Variants in DNAJC13 observed in about 807,000 individuals in gnomAD.
The protein encoded by DNAJC13 is dnaJ homolog subfamily C member 13.
Under a neutral mutation model 290.5 loss-of-function variants are expected in DNAJC13, and 75 were observed. The observed-to-expected ratio is 0.26, with a 90% CI of 0.21 to 0.31. The LOEUF (loss-of-function observed/expected upper bound fraction) is 0.31. Ranked by LOEUF, DNAJC13 falls within the 10% of genes least tolerant of loss-of-function variation. DNAJC13 has a pLI of 1.00. For missense variants in DNAJC13, 2,260 were observed against 2,674.5 expected (o/e 0.85, Z 3.42); for synonymous variants, 862 against 892.0 (o/e 0.97, Z 0.60).
Position 132,460,350 on chromosome 3 carries a change from C to T in DNAJC13, c.1550C>T (p.Ser517Phe). The T allele has an allele frequency of 1.9e-6, 3 of 1,594,916 alleles. No individual in the cohort carries two copies. The highest frequency in any genetic ancestry group is 2.6e-6 in the Non-Finnish European group (3 of 1,163,802). Reference protein sequence around the residue: ...FLENLLEKFNSHVDHGTGALV... With the variant: ...FLENLLEKFNFHVDHGTGALV... Reference sequence around the variant, plus strand: ...GAAAACTTACTGGAGAAATTTAATTCCCATGTGGTAAGTTATAATTAAATT... The same window carrying T: ...GAAAACTTACTGGAGAAATTTAATTTCCATGTGGTAAGTTATAATTAAATT... The change falls in exon 14 of 56, where the codon TCC becomes TTC. Residue 517 changes from serine (S) to phenylalanine (F), a missense_variant. By Grantham distance (155) the Ser-to-Phe change is radical. This residue lies in a region of DNAJC13 where 762 missense variants were observed against 964.1 expected (regional missense o/e 0.79). Transcript: ENST00000260818.
intron 1 of DNAJC13, among the ~76,000 whole-genome samples, chr3:132,431,330 G>A (rs1939233659): frequency 6.6e-6 from 1 of 152,110 alleles, no homozygotes; most frequent in African/African-American, 2.4e-5. Flanking sequence ...GTGCTATGGG[G>A]GAAAAACAAG....
chr3:132,507,463 T>C, intron 43 of DNAJC13, 110 bp downstream of exon 43: 1 of 712,880 alleles, frequency 1.4e-6, no homozygotes. Context: ...GCACTTTCTT[T>C]ACTGTGCTGC....
At chr3:132,450,235 C>T (rs1208411802) in intron 5 of DNAJC13, among the ~76,000 whole-genome samples, 3 of 151,832 alleles carry the variant, frequency 2.0e-5, no homozygotes, top group Admixed American at 6.6e-5. Flanking sequence ...TTACAACTTC[C>T]CTGAAATGTG....
intron 43 of DNAJC13, among the ~76,000 whole-genome samples, chr3:132,507,825 G>A (rs1052961172): frequency 1.3e-5 from 2 of 152,068 alleles, no homozygotes; most frequent in Non-Finnish European, 1.5e-5. Context: ...ACCCTGCAAC[G>A]GCCTCTAGGT....
chr3:132,470,833 G>C (rs1472026611), intron 20 of DNAJC13, among the ~76,000 whole-genome samples: 1 of 134,288 alleles, frequency 7.4e-6, no homozygotes, highest in Non-Finnish European at 1.6e-5. Flanking sequence ...CGGCTGGCCA[G>C]GCGGGGGGCT....
At chr3:132,475,693 A>T (rs931885101) in intron 22 of DNAJC13, among the ~76,000 whole-genome samples, 18 of 152,176 alleles carry the variant, frequency 1.2e-4, no homozygotes, top group Admixed American at 3.9e-4. Flanking sequence ...GGATATGCTC[A>T]TTCTTTTCTT....
chr3:132,506,522 A>G (rs1935595963), intron 42 of DNAJC13, among the ~76,000 whole-genome samples: 2 of 99,914 alleles, frequency 2.0e-5, no homozygotes, highest in East Asian at 2.7e-4. Context: ...ATTTTTTAGC[A>G]CTTTTGTTCA....
At chr3:132,520,732 T>TTGCTTTCA (rs1936064679) in intron 48 of DNAJC13, among the ~76,000 whole-genome samples, 1 of 152,206 alleles carries the variant, frequency 6.6e-6, no homozygotes, top group Non-Finnish European at 1.5e-5. Flanking sequence ...CAATTAAAGT[T>TTGCTTTCA]TGCTTTCATA....
chr3:132,496,778 A>G (rs1346194210), intron 36 of DNAJC13, 115 bp downstream of exon 36: 3 of 1,004,272 alleles, frequency 3.0e-6, no homozygotes, highest in Non-Finnish European at 4.0e-6. Context: ...ATTATTGTTT[A>G]AAAGATTCTT....
rs573857472 is a variant in DNAJC13 at position 132,506,045 on chromosome 3, C to CTTTTTTTTTTTTTTTT, written c.4998+638_4998+653dup. On this transcript the variant is annotated intron_variant, in intron 42 of 55. Coordinates refer to ENST00000260818, the MANE Select transcript of DNAJC13 (RefSeq NM_015268.4). Reference sequence around the variant, plus strand: ...CGGGTCTTACATGTCTGTACATTATCTTTTTTTTTTTTTTTTTTTTTTTGA... The same window carrying CTTTTTTTTTTTTTTTT: ...CGGGTCTTACATGTCTGTACATTATCTTTTTTTTTTTTTTTTTTTTTTTTTTTTTTTTTTTTTTTGA... Among the ~76,000 whole-genome samples the CTTTTTTTTTTTTTTTT allele has an allele frequency of 6.5e-4, 47 of 72,674 alleles. 4 individuals carry two copies. Among genetic ancestry groups the CTTTTTTTTTTTTTTTT allele is most frequent in the Non-Finnish European group, 8.9e-4 (33 of 36,950 alleles). The allele number at this position is 72,674 out of a possible 152,430, so 47.7% of individuals were successfully genotyped here. A position where few individuals can be genotyped will look rare whatever the true frequency, so the allele number is the denominator to read the frequency against.
At chr3:132,487,559 A>ATTTTTTTATTTTTTTTTTTTTTTTTTTTT (rs1934918935) in intron 29 of DNAJC13, among the ~76,000 whole-genome samples, 1 of 110,502 alleles carries the variant, frequency 9.0e-6, no homozygotes, top group African/African-American at 5.3e-5. Flanking sequence ...CCTGGCTGTA[A>ATTTTTTTATTTTTTTTTTTTTTTTTTTTT]TTTTTTTTTT....
At position 132,417,525 on chromosome 3, in the gene DNAJC13, A is replaced by C. The variant is rs1938821016; in HGVS notation, c.-249A>C. 6.6e-6 allele frequency: 1 copy of C among 151,618 alleles called. No individual in the cohort carries two copies. Among genetic ancestry groups the C allele is most frequent in the Non-Finnish European group, 1.5e-5 (1 of 67,918 alleles). 9.4% of individuals were successfully genotyped at this position (151,618 alleles called of 1,614,324 possible). A position where few individuals can be genotyped will look rare whatever the true frequency, so the allele number is the denominator to read the frequency against. On this transcript the variant is annotated 5_prime_UTR_variant, in exon 1 of 56. Transcript: ENST00000260818. ...TTAGAGCGCGCTCGCTCAAAGCCTGAGCGAAGATGGCGGCCTCCAGAGTGA... is the reference window on the plus strand; with the variant it reads ...TTAGAGCGCGCTCGCTCAAAGCCTGCGCGAAGATGGCGGCCTCCAGAGTGA...
In DNAJC13 at chr3:132,482,253, A is replaced by G. The variant is rs759817095; in HGVS notation, c.2902A>G (p.Met968Val). The G allele has an allele frequency of 1.2e-6, 2 of 1,613,686 alleles. No individual in the cohort carries two copies. Among genetic ancestry groups the G allele is most frequent in the Non-Finnish European group, 1.7e-6 (2 of 1,179,734 alleles). The change falls in exon 27 of 56, where the codon ATG becomes GTG. Residue 968 changes from methionine (M) to valine (V), a missense_variant. Met to Val is a conservative substitution (Grantham distance 21). Around this residue, in one of 3 missense-constraint regions of DNAJC13, gnomAD observed 1,494 missense variants for 1,693.7 expected, o/e 0.88. Coordinates refer to ENST00000260818, the MANE Select transcript of DNAJC13 (RefSeq NM_015268.4). The stretch of plus-strand genomic sequence containing the variant: ...CAATGTAATTGAAGCTGCTCCAGAT[A>G]TGAAAAGAGAGAGTGAAAAGGAATG... ...QSNVIEAAPD[M>V]KRESEKEWYF...
intron 33 of DNAJC13, 89 bp downstream of exon 33, chr3:132,492,704 G>T: frequency 1.8e-6 from 2 of 1,104,820 alleles, no homozygotes; most frequent in Middle Eastern, 3.1e-4. Context: ...CAGTAAGATG[G>T]TTAATAGCTT....
chr3:132,463,590 C>A, intron 16 of DNAJC13, 106 bp from the exon 17 acceptor site: 1 of 1,320,270 alleles, frequency 7.6e-7, no homozygotes, highest in Non-Finnish European at 1.0e-6. Context: ...ACTTCTATTA[C>A]ATACTGAATG....
At chr3:132,507,121 A>T in intron 42 of DNAJC13, 116 bp from the exon 43 acceptor site, 1 of 646,708 alleles carries the variant, frequency 1.5e-6, no homozygotes, top group South Asian at 2.2e-5. Flanking sequence ...CATGTATCAC[A>T]CCACATTTTT....
chr3:132,468,924 A>C (rs550966668), intron 20 of DNAJC13, among the ~76,000 whole-genome samples: 1 of 152,320 alleles, frequency 6.6e-6, no homozygotes, highest in South Asian at 2.1e-4. Flanking sequence ...TTCATATGTA[A>C]CATTTATCCA....
intron 29 of DNAJC13, among the ~76,000 whole-genome samples, chr3:132,487,179 A>G (rs1049224599): frequency 6.6e-6 from 1 of 152,194 alleles, no homozygotes; most frequent in Non-Finnish European, 1.5e-5. Context: ...ATAGCTGTTT[A>G]GTCTCACATA....
chr3:132,491,015 T>C lies in DNAJC13; in HGVS notation c.3587T>C (p.Phe1196Ser), dbSNP rs748586972. 5 of 1,612,548 alleles carry C rather than the reference T, an allele frequency of 3.1e-6. No homozygotes were observed. The highest frequency in any genetic ancestry group is 4.2e-6 in the Non-Finnish European group (5 of 1,179,394). The change falls in exon 32 of 56, where the codon TTT becomes TCT. Residue 1196 changes from phenylalanine to serine, a missense_variant. Physicochemically the swap from Phe to Ser is radical, Grantham distance 155. Coordinates refer to ENST00000260818, the MANE Select transcript of DNAJC13 (RefSeq NM_015268.4). The stretch of plus-strand genomic sequence containing the variant: ...TTTTCTGAGATTTTTCTAGGAGAAT[T>C]TGATACTCCAGAAGCAATCTGGAGC... ...EKFSEIFLGEFDTPEAIWSSE... is the reference protein window; with the variant it reads ...EKFSEIFLGESDTPEAIWSSE...
Sources: gnomAD v4.1 joint callset for allele counts (sites outside exome capture counted in the v4.1 genomes callset) on GRCh38, gnomAD v4.1.1 for gene constraint, gnomAD v4.1.1 regional missense constraint, MANE v1.5 for transcripts, NCBI Gene and HGNC (gene_info 2026-07-23, HGNC 2026-07-21) for gene names.